The following SUPT3H variants were observed in gnomAD, a reference collection of about 807,000 sequenced individuals.
SUPT3H encodes transcription initiation protein SPT3 homolog.
SUPT3H carries 44 observed loss-of-function variants against 44.3 expected under a neutral mutation model. The ratio of observed to expected loss-of-function variants is 0.99; its 90% CI spans 0.78 to 1.28. The LOEUF (loss-of-function observed/expected upper bound fraction) is 1.28. Ranked by LOEUF, SUPT3H falls within the 50% of genes most tolerant of loss-of-function variation. SUPT3H has a pLI of 0.00. For synonymous variants in SUPT3H, 124 were observed against 125.6 expected (o/e 0.99, Z 0.09); for missense variants, 380 against 387.1 (o/e 0.98, Z 0.15).
At chr6:44,924,918 T>C (rs1184475835) in intron 10 of SUPT3H, among the ~76,000 whole-genome samples, 1 of 152,180 alleles carries the variant, frequency 6.6e-6, no homozygotes, top group Non-Finnish European at 1.5e-5. Flanking sequence ...ATTATTCTAA[T>C]ATTTTGTGAC....
intron 10 of SUPT3H, among the ~76,000 whole-genome samples, chr6:44,839,896 T>A (rs1770652746): frequency 6.6e-6 from 1 of 152,112 alleles, no homozygotes; most frequent in African/African-American, 2.4e-5. Flanking sequence ...GAGATGGGGT[T>A]TCACCGTGTT....
chr6:45,269,677 C>T (rs1445067388), intron 2 of SUPT3H, among the ~76,000 whole-genome samples: 2 of 152,190 alleles, frequency 1.3e-5, no homozygotes, highest in African/African-American at 4.8e-5. Context: ...ATTGCACTTA[C>T]CACGTTATCA....
intron 1 of SUPT3H, among the ~76,000 whole-genome samples, chr6:45,373,905 A>C (rs903775174): frequency 6.6e-6 from 1 of 152,232 alleles, no homozygotes; most frequent in Non-Finnish European, 1.5e-5. Context: ...AATAGTGCCT[A>C]TTATACACTA....
At position 44,878,450 on chromosome 6, in the gene SUPT3H, C is replaced by CT. The variant is rs534997505; in HGVS notation, c.913-48594dup. ...GAGATATTTGGGCTTGCACTAAAGC[C>CT]TTTTTTTTTTTAAACTAATGAGAGT... On this transcript the variant is annotated intron_variant, in intron 10 of 10. Transcript: ENST00000371459. Among the ~76,000 whole-genome samples the CT allele has an allele frequency of 6.2e-3, 906 of 145,994 alleles. 10 individuals are homozygous for CT. The highest frequency in any genetic ancestry group is 0.02 in the African/African-American group (796 of 40,036).
At chr6:45,022,891 T>A (rs1316170302) in intron 3 of SUPT3H, among the ~76,000 whole-genome samples, 2 of 152,044 alleles carry the variant, frequency 1.3e-5, no homozygotes, top group Non-Finnish European at 2.9e-5. Flanking sequence ...GAGTTTCACA[T>A]CTCAGGAATA....
intron 2 of SUPT3H, among the ~76,000 whole-genome samples, chr6:45,211,385 C>T (rs983229005): frequency 6.6e-6 from 1 of 152,030 alleles, no homozygotes; most frequent in African/African-American, 2.4e-5. Context: ...CATATTATCT[C>T]CCTTAAATAC....
intron 6 of SUPT3H, among the ~76,000 whole-genome samples, chr6:44,980,644 A>G (rs1368841321): frequency 1.3e-5 from 2 of 152,246 alleles, no homozygotes; most frequent in Admixed American, 6.5e-5. Flanking sequence ...TTGTGTCTAC[A>G]TGGTGGTATA....
chr6:44,837,510 G>A (rs1770140173), intron 10 of SUPT3H, among the ~76,000 whole-genome samples: 1 of 152,182 alleles, frequency 6.6e-6, no homozygotes, highest in Admixed American at 6.5e-5. Context: ...CATTTTGCAA[G>A]AGAACCATCA....
chr6:44,976,678 A>T (rs1374056183), intron 6 of SUPT3H, among the ~76,000 whole-genome samples: 1 of 152,162 alleles, frequency 6.6e-6, no homozygotes, highest in Non-Finnish European at 1.5e-5. Context: ...TTGAATTCTT[A>T]TCTGAAAAGT....
At chr6:45,045,209 C>A (rs1285818186) in intron 3 of SUPT3H, among the ~76,000 whole-genome samples, 2 of 152,082 alleles carry the variant, frequency 1.3e-5, no homozygotes, top group Non-Finnish European at 2.9e-5. Context: ...GCTGGAAGAC[C>A]ACCCAGAGAA....
intron 2 of SUPT3H, chr6:45,328,639 T>G (rs373512479): frequency 6.8e-6 from 11 of 1,610,346 alleles, no homozygotes; most frequent in Non-Finnish European, 9.3e-6. Context: ...AAACAAGGTT[T>G]GGGTATGGTT....
intron 2 of SUPT3H, among the ~76,000 whole-genome samples, chr6:45,268,995 T>C (rs1004206625): frequency 8.5e-5 from 13 of 152,176 alleles, no homozygotes; most frequent in Non-Finnish European, 1.3e-4. Context: ...AAGAGAGACA[T>C]GAACATTATA....
At chr6:45,076,612 G>T (rs1037144981) in intron 3 of SUPT3H, among the ~76,000 whole-genome samples, 1 of 152,032 alleles carries the variant, frequency 6.6e-6, no homozygotes, top group African/African-American at 2.4e-5. Flanking sequence ...TTTTGTACTT[G>T]TAAAATAGTG....
At chr6:44,947,294 C>T (rs1773505539) in intron 9 of SUPT3H, among the ~76,000 whole-genome samples, 1 of 152,064 alleles carries the variant, frequency 6.6e-6, no homozygotes, top group Admixed American at 6.6e-5. Flanking sequence ...CCTGCAGAAA[C>T]ATACAAATAT....
chr6:44,820,697 C>T (rs918455690), intron 11 of SUPT3H, among the ~76,000 whole-genome samples: 5 of 151,954 alleles, frequency 3.3e-5, no homozygotes, highest in African/African-American at 1.2e-4. Flanking sequence ...AGAGGGAGAA[C>T]ACAGTAACAA....
At chr6:45,040,340 A>G (rs1402020548) in intron 3 of SUPT3H, among the ~76,000 whole-genome samples, 2 of 152,210 alleles carry the variant, frequency 1.3e-5, no homozygotes, top group Admixed American at 1.3e-4. Flanking sequence ...GAAAAATGCT[A>G]TACTATAATG....
chr6:45,037,690 T>TA (rs923292306), intron 3 of SUPT3H, among the ~76,000 whole-genome samples: 6 of 147,550 alleles, frequency 4.1e-5, no homozygotes, highest in African/African-American at 2.5e-5. Flanking sequence ...ATTAATTAAA[T>TA]AAAAAAATGA....
In SUPT3H at chr6:45,177,336, G is replaced by A. The variant is rs1287157326; in HGVS notation, c.102-71330C>T. On this transcript the variant is annotated intron_variant, in intron 2 of 10. Transcript: ENST00000371459. ...GGGTATCAGTGATGGAAGATGAAAT[G>A]AATGAAATGAAGTGAGAAGGGAAGT... Among the ~76,000 whole-genome samples the A allele has an allele frequency of 2.0e-5, 3 of 152,256 alleles. No individual in the cohort carries two copies. In the South Asian group the frequency reaches 6.3e-4, roughly 32 times the overall value.
intron 2 of SUPT3H, among the ~76,000 whole-genome samples, chr6:45,249,933 AT>A (rs1772075955): frequency 6.6e-6 from 1 of 152,186 alleles, no homozygotes; most frequent in Admixed American, 6.5e-5. Context: ...CTGCAAAAGT[AT>A]TTACAACCAG....
Sources: gnomAD v4.1 joint callset for allele counts (sites outside exome capture counted in the v4.1 genomes callset) on GRCh38, gnomAD v4.1.1 for gene constraint, MANE v1.5 for transcripts, NCBI Gene and HGNC (gene_info 2026-07-23, HGNC 2026-07-21) for gene names.